PDZD7: variants seen among roughly 807,000 people sequenced by gnomAD.
PDZD7 encodes the protein PDZ domain-containing protein 7.
In PDZD7, 72 loss-of-function variants were observed where a neutral mutation model predicts 84.7. The ratio of observed to expected loss-of-function variants is 0.85; its 90% confidence interval spans 0.70 to 1.03. The LOEUF (loss-of-function observed/expected upper bound fraction) is 1.03, where lower values mean the gene tolerates loss of function less well. Among genes scored for constraint, PDZD7 ranks in the 50% least tolerant of loss-of-function variants. The pLI, the probability that PDZD7 is intolerant of heterozygous loss-of-function variation, is 0.00. For synonymous variants in PDZD7, 594 were observed against 580.7 expected (o/e 1.02, Z -0.33); for missense variants, 1,490 against 1,412.9 (o/e 1.05, Z -0.87).
rs1228530689 is a variant in PDZD7 at position 101,019,189 on chromosome 10, G to T, written c.957C>A (p.Ser319=). 4 of 1,536,138 alleles carry T rather than the reference G, an allele frequency of 2.6e-6. No individual in the cohort carries two copies. Among genetic ancestry groups the T allele is most frequent in the Non-Finnish European group, 3.5e-6 (4 of 1,147,036 alleles). ...RLSNGVLQQL[S]PASESSSSVS... The stretch of plus-strand genomic sequence containing the variant: ...CGCTGGAGCTGCTCTCAGAGGCCGG[G>T]GACAGCTGCTGCAGCACCCCGTTGC... Residue 319 remains serine (S), a synonymous_variant, in exon 8 of 17, where the codon TCC becomes TCA. Coordinates refer to ENST00000619208, the MANE Select transcript of PDZD7 (RefSeq NM_001195263.2).
At chr10:101,024,761 C>A (rs1171020500) in intron 2 of PDZD7, among the ~76,000 whole-genome samples, 1 of 147,742 alleles carries the variant, frequency 6.8e-6, no homozygotes, top group East Asian at 2.0e-4. Context: ...CAGAGTGAGA[C>A]CCCTGTCTCA....
rs1852311181 is a variant in PDZD7, at chr10:101,009,159, T to C, written c.2718+91A>G. The stretch of plus-strand genomic sequence containing the variant: ...CTCCTCCCACAACCCGGGCTAAACA[T>C]GTCTGGCTGGAAGCTGAGCATGGCC... On this transcript the variant is annotated intron_variant, in intron 16 of 16. Transcript: ENST00000619208. The C allele has an allele frequency of 1.2e-5, 14 of 1,210,356 alleles. 1 individual carries two copies. The South Asian group carries it at 1.8e-4, about 16-fold the overall frequency. 75.0% of individuals were successfully genotyped at this position (1,210,356 alleles called of 1,614,324 possible).
chr10:101,014,870 C>T (rs937785282), intron 11 of PDZD7, among the ~76,000 whole-genome samples: 1 of 152,160 alleles, frequency 6.6e-6, no homozygotes, highest in Admixed American at 6.5e-5. Flanking sequence ...TTTTTCAAGA[C>T]CCCCCAGCTC....
At chr10:101,026,191 A>G (rs1469316585) in intron 2 of PDZD7, among the ~76,000 whole-genome samples, 1 of 151,116 alleles carries the variant, frequency 6.6e-6, no homozygotes, top group East Asian at 2.0e-4. Context: ...CTGGAGTGCA[A>G]TGGCTCAATC....
intron 11 of PDZD7, among the ~76,000 whole-genome samples, chr10:101,013,698 C>T (rs180738736): frequency 1.1e-4 from 17 of 152,150 alleles, no homozygotes; most frequent in Admixed American, 5.2e-4. Context: ...TATGCGGCGG[C>T]CGTGGGAAAG....
chr10:101,025,566 GAGAC>G (rs1176236889), intron 2 of PDZD7, among the ~76,000 whole-genome samples: 1 of 105,952 alleles, frequency 9.4e-6, no homozygotes, highest in African/African-American at 4.1e-5. Flanking sequence ...TTATTTATCT[GAGAC>G]AGAGTCTCGC....
rs1381464883 is a variant in PDZD7, at chr10:101,029,990, C to T, written c.226+4G>A. 1 of 1,612,040 alleles carries T rather than the reference C, an allele frequency of 6.2e-7. No individual in the cohort carries two copies. Among genetic ancestry groups the T allele is most frequent in the East Asian group, 2.2e-5 (1 of 44,870 alleles). ...CCAGGCCAGTGGCTGGGTCCCGCCC[C>T]TACCTTCGATGGGGGAGTTGATGAG... On this transcript the variant is annotated splice_donor_region_variant and intron_variant, in intron 2 of 16. Transcript: ENST00000619208.
At chr10:101,010,037 C>G (rs781410235) in intron 15 of PDZD7, among the ~76,000 whole-genome samples, 2 of 152,160 alleles carry the variant, frequency 1.3e-5, no homozygotes, top group Admixed American at 6.5e-5. Context: ...GGATTACAGG[C>G]GCCCACCACC....
intron 2 of PDZD7, among the ~76,000 whole-genome samples, chr10:101,024,779 A>G (rs1937606942): frequency 6.6e-6 from 1 of 151,784 alleles, no homozygotes; most frequent in Non-Finnish European, 1.5e-5. Flanking sequence ...TCAAAAAAAA[A>G]AAAAAAGAAA....
chr10:101,020,055 A>G (rs1448230176), intron 7 of PDZD7, among the ~76,000 whole-genome samples: 3 of 151,710 alleles, frequency 2.0e-5, no homozygotes, highest in Non-Finnish European at 2.9e-5. Flanking sequence ...CAGCCTCCCA[A>G]GTAGCACAGA....
At position 101,012,235 on chromosome 10, in the gene PDZD7, C is replaced by T. The variant is rs1440358088; in HGVS notation, c.1773G>A (p.Glu591=). Residue 591 remains glutamate (E), a synonymous_variant, in exon 12 of 17, where the codon GAG becomes GAA. Transcript: ENST00000619208. ...TGGCCAGCAGGGGCCTCACCAGGTCCTCTATGCCTCCCTCGTGCACATACT... is the reference window on the plus strand; with the variant it reads ...TGGCCAGCAGGGGCCTCACCAGGTCTTCTATGCCTCCCTCGTGCACATACT... ...CSRYVHEGGI[E]DLVRPLLAIL... 6.5e-7 allele frequency: 1 copy of T among 1,550,314 alleles called. No homozygotes were observed. Among genetic ancestry groups the T allele is most frequent in the Admixed American group, 2.0e-5 (1 of 51,008 alleles).
intron 2 of PDZD7, among the ~76,000 whole-genome samples, chr10:101,025,655 C>T (rs1937643407): frequency 6.6e-6 from 1 of 151,728 alleles, no homozygotes; most frequent in Admixed American, 6.6e-5. Context: ...TCACGCTATT[C>T]TCCTGCCTCA....
In PDZD7 at chr10:101,027,995, G is replaced by A. The variant is rs144590166; in HGVS notation, c.226+1999C>T. On this transcript the variant is annotated intron_variant, in intron 2 of 16. Coordinates refer to ENST00000619208, the MANE Select transcript of PDZD7 (RefSeq NM_001195263.2). ...GGAGCTGGTGGGATCTCATGGGGCC[G>A]ATGTAGGTGGCAATGTCACCGTTTA... Among the ~76,000 whole-genome samples the A allele has an allele frequency of 1.6e-3, 249 of 152,254 alleles. 1 individual carries two copies. The highest frequency in any genetic ancestry group is 5.6e-3 in the African/African-American group (234 of 41,556).
At chr10:101,015,868 C>T (rs759032974) in intron 10 of PDZD7, 57 bp from the exon 11 acceptor site, 9 of 1,502,488 alleles carry the variant, frequency 6.0e-6, no homozygotes, top group Non-Finnish European at 8.0e-6. Flanking sequence ...CAGGGCTGGG[C>T]CCCAGAATTG....
chr10:101,022,169 C>T (rs1208949779), intron 5 of PDZD7, 40 bp downstream of exon 5: 1 of 1,612,722 alleles, frequency 6.2e-7, no homozygotes, highest in Non-Finnish European at 8.5e-7. Context: ...AGACCCCATT[C>T]TCAGTTCTAC....
At chr10:101,014,443 A>G (rs941217005) in intron 11 of PDZD7, among the ~76,000 whole-genome samples, 4 of 152,112 alleles carry the variant, frequency 2.6e-5, no homozygotes, top group Admixed American at 2.0e-4. Flanking sequence ...CCAAAGAGAC[A>G]GACCCAGAGC....
chr10:101,014,671 G>GACACACACACAC (rs3051191), intron 11 of PDZD7, among the ~76,000 whole-genome samples: 211 of 149,144 alleles, frequency 1.4e-3, no homozygotes, highest in African/African-American at 3.0e-3. Context: ...ACAATGCATG[G>GACACACACACAC]ACACACACAC....
chr10:101,024,146 C>A, intron 2 of PDZD7, 78 bp from the exon 3 acceptor site: 1 of 1,607,270 alleles, frequency 6.2e-7, no homozygotes, highest in Non-Finnish European at 8.5e-7. Flanking sequence ...AACTTGGGGC[C>A]TGCAAAGGCT....
At chr10:101,027,142 T>C (rs1395377858) in intron 2 of PDZD7, among the ~76,000 whole-genome samples, 2 of 152,196 alleles carry the variant, frequency 1.3e-5, no homozygotes, top group African/African-American at 4.8e-5. Context: ...CATTAGCTCA[T>C]GTCTTTTCCC....
Sources: allele counts gnomAD v4.1 joint callset (sites outside exome capture counted in the v4.1 genomes callset), GRCh38; gene constraint gnomAD v4.1.1; transcripts MANE v1.5; gene names NCBI Gene and HGNC (gene_info 2026-07-23, HGNC 2026-07-21).